The following ERICH3 variants were observed in gnomAD, a reference collection of about 807,000 sequenced individuals.
ERICH3 encodes the protein glutamate-rich protein 3.
ERICH3 carries 126 observed loss-of-function variants against 131.1 expected under a neutral mutation model. That is an observed-to-expected ratio of 0.96 (90% CI 0.83 to 1.11). The LOEUF is 1.11. Ranked by LOEUF, ERICH3 falls within the 50% of genes most tolerant of loss-of-function variation. ERICH3 has a pLI of 0.00. For missense variants in ERICH3, 2,050 were observed against 1,810.7 expected (o/e 1.13, Z -2.40); for synonymous variants, 695 against 644.6 (o/e 1.08, Z -1.18).
rs1351259782 is a variant in ERICH3 at position 74,572,136 on chromosome 1, CTT to C, written c.3572_3573del (p.Lys1191ArgfsTer11). ...RLSEARDTEH[K>X]DREELSSREN... ...TCCCTGCTGGACAGCTCTTCTCTGT[CTT>C]TGTGCTCTGTGTCTCTGGCTTCACT... On this transcript the variant is annotated frameshift_variant, in exon 14 of 15. Transcript: ENST00000326665. LOFTEE classifies it high-confidence loss of function. 1 of 1,614,164 alleles carries C rather than the reference CTT, an allele frequency of 6.2e-7. No individual in the cohort carries two copies. Among genetic ancestry groups the C allele is most frequent in the Non-Finnish European group, 8.5e-7 (1 of 1,180,006 alleles).
At chr1:74,660,595 GTATATA>G (rs35580326) in intron 1 of ERICH3, among the ~76,000 whole-genome samples, 11 of 143,914 alleles carry the variant, frequency 7.6e-5, no homozygotes, top group Admixed American at 1.4e-4. Flanking sequence ...ACACACAAGT[GTATATA>G]TATATATATA....
rs1333127782 is a variant in ERICH3 at position 74,673,702 on chromosome 1, G to C, written c.-183C>G. On this transcript the variant is annotated 5_prime_UTR_variant, in exon 1 of 15. Transcript: ENST00000326665. Reference sequence around the variant, plus strand: ...GCCCGGGCTACCCGCAGCCTCCCGGGCTCCCACCCTCCGTTGGTATCCACA... The same window carrying C: ...GCCCGGGCTACCCGCAGCCTCCCGGCCTCCCACCCTCCGTTGGTATCCACA... The C allele has an allele frequency of 4.2e-6, 2 of 475,552 alleles. No individual in the cohort carries two copies. Among genetic ancestry groups the C allele is most frequent in the East Asian group, 7.5e-5 (2 of 26,762 alleles). The allele number at this position is 475,552 out of a possible 1,614,324, so 29.5% of individuals were successfully genotyped here.
chr1:74,652,936 C>T (rs1174938091), intron 1 of ERICH3, among the ~76,000 whole-genome samples: 2 of 152,134 alleles, frequency 1.3e-5, no homozygotes, highest in Non-Finnish European at 2.9e-5. Flanking sequence ...TCCGAGGAAA[C>T]AGAGCAACCT....
rs1646975498 is a variant in ERICH3 at position 74,572,660 on chromosome 1, C to T, written c.3050G>A (p.Ser1017Asn). 3.7e-6 allele frequency: 6 copies of T among 1,614,030 alleles called. No homozygotes were observed. The highest frequency in any genetic ancestry group is 5.1e-6 in the Non-Finnish European group (6 of 1,180,000). The change falls in exon 14 of 15, where the codon AGC becomes AAC. Residue 1017 changes from serine to asparagine, a missense_variant. Physicochemically the swap from Ser to Asn is conservative, Grantham distance 46. Transcript: ENST00000326665. ...QVSEGSPEEG[S>N]LAKEAFLCKE... ...GCAAAGGAAGGCTTCCTTTGCAAGG[C>T]TTCCTTCCTCAGGGCTGCCCTCCGA...
chr1:74,612,872 C>A, intron 8 of ERICH3, 63 bp from the exon 9 acceptor site: 1 of 1,373,968 alleles, frequency 7.3e-7, no homozygotes, highest in Non-Finnish European at 9.9e-7. Flanking sequence ...TCTGTTAAAT[C>A]ATGTTTTTCT....
At chr1:74,609,709 T>C (rs1012029015) in intron 9 of ERICH3, among the ~76,000 whole-genome samples, 1 of 152,088 alleles carries the variant, frequency 6.6e-6, no homozygotes, top group African/African-American at 2.4e-5. Flanking sequence ...ATTCACAGAT[T>C]TCATTGGAAA....
chr1:74,633,848 T>C (rs904490882), intron 6 of ERICH3, among the ~76,000 whole-genome samples: 4 of 152,074 alleles, frequency 2.6e-5, no homozygotes, highest in African/African-American at 9.6e-5. Context: ...TCACAAATAC[T>C]TGTACTAATT....
At chr1:74,615,493 CAGTT>C (rs1259071082) in intron 8 of ERICH3, among the ~76,000 whole-genome samples, 2 of 152,198 alleles carry the variant, frequency 1.3e-5, no homozygotes, top group South Asian at 2.1e-4. Flanking sequence ...TGTTCACTGA[CAGTT>C]GGTAGCACTG....
intron 13 of ERICH3, among the ~76,000 whole-genome samples, chr1:74,575,755 C>T (rs1413294345): frequency 6.6e-6 from 1 of 152,084 alleles, no homozygotes; most frequent in Non-Finnish European, 1.5e-5. Flanking sequence ...ATTGCCTAGC[C>T]ACCATGTAGT....
chr1:74,627,468 G>A (rs1649456589), intron 7 of ERICH3, among the ~76,000 whole-genome samples: 1 of 151,914 alleles, frequency 6.6e-6, no homozygotes, highest in South Asian at 2.1e-4. Context: ...GTAGAAATAA[G>A]TCTAAATATA....
At position 74,620,901 on chromosome 1, in the gene ERICH3, A is replaced by G. The variant is rs778919505; in HGVS notation, c.833T>C (p.Ile278Thr). Residue 278 changes from isoleucine (I) to threonine (T), a missense_variant, in exon 8 of 15, where the codon ATT becomes ACT. By Grantham distance (89) the Ile-to-Thr change is moderately conservative (BLOSUM62 -1). Coordinates refer to ENST00000326665, the MANE Select transcript of ERICH3 (RefSeq NM_001002912.5). ...EPLLTKDSRRIHKTSLHSNAA... is the reference protein window; with the variant it reads ...EPLLTKDSRRTHKTSLHSNAA... ...ATTACTATGTAAGGATGTTTTATGAATCCTTCTTGAATCCTGAAATAAACA... is the reference window on the plus strand; with the variant it reads ...ATTACTATGTAAGGATGTTTTATGAGTCCTTCTTGAATCCTGAAATAAACA... 20 of 1,593,730 alleles carry G rather than the reference A, an allele frequency of 1.3e-5. No homozygotes were observed. In the Admixed American group the frequency reaches 2.3e-4, roughly 18 times the overall value.
intron 1 of ERICH3, among the ~76,000 whole-genome samples, chr1:74,655,837 C>T (rs1344139440): frequency 6.6e-6 from 1 of 152,084 alleles, no homozygotes; most frequent in Non-Finnish European, 1.5e-5. Flanking sequence ...TTTAATGCTG[C>T]TGTAACAGAA....
chr1:74,659,350 C>T (rs1237058821), intron 1 of ERICH3, among the ~76,000 whole-genome samples: 3 of 149,488 alleles, frequency 2.0e-5, no homozygotes, highest in Non-Finnish European at 4.5e-5. Flanking sequence ...GTGTGTGTGC[C>T]TGTGCACACA....
chr1:74,605,922 A>G (rs1453156748), intron 10 of ERICH3, among the ~76,000 whole-genome samples: 1 of 151,668 alleles, frequency 6.6e-6, no homozygotes, highest in Non-Finnish European at 1.5e-5. Context: ...CTATATTTGC[A>G]AAGCTTGCAC....
At chr1:74,594,097 T>G (rs1238743874) in intron 11 of ERICH3, among the ~76,000 whole-genome samples, 1 of 152,116 alleles carries the variant, frequency 6.6e-6, no homozygotes, top group African/African-American at 2.4e-5. Context: ...AGAGTCCACT[T>G]AAAATATTCT....
At chr1:74,626,048 A>C (rs1649404060) in intron 7 of ERICH3, 1 of 152,198 alleles carries the variant, frequency 6.6e-6, no homozygotes, top group South Asian at 2.1e-4. Context: ...GGTGGAAATG[A>C]TATTTTAGAT....
intron 8 of ERICH3, among the ~76,000 whole-genome samples, chr1:74,616,097 G>T (rs1241529381): frequency 6.6e-6 from 1 of 152,096 alleles, no homozygotes; most frequent in Non-Finnish European, 1.5e-5. Flanking sequence ...TGCCTCCTGG[G>T]TTCAAGCTAT....
chr1:74,600,038 C>G, intron 10 of ERICH3, 107 bp from the exon 11 acceptor site: 1 of 751,768 alleles, frequency 1.3e-6, no homozygotes, highest in Non-Finnish European at 2.1e-6. Context: ...TTCTCTGAGC[C>G]TTTCTTTGCT....
chr1:74,571,671 C>T lies in ERICH3; in HGVS notation c.4039G>A (p.Gly1347Ser), dbSNP rs1432123219. The T allele has an allele frequency of 6.2e-7, 1 of 1,614,182 alleles. No homozygotes were observed. The highest frequency in any genetic ancestry group is 8.5e-7 in the Non-Finnish European group (1 of 1,180,038). ...VVAVEVLHGG[G>S]ETAETAAEER... Reference sequence around the variant, plus strand: ...TCTGCGGCTGTTTCTGCCGTTTCACCACCTCCGTGTAGAACTTCCACAGCC... The same window carrying T: ...TCTGCGGCTGTTTCTGCCGTTTCACTACCTCCGTGTAGAACTTCCACAGCC... The change falls in exon 14 of 15, where the codon GGT becomes AGT. Residue 1347 changes from glycine to serine, a missense_variant. By Grantham distance (56) the Gly-to-Ser change is moderately conservative. Transcript: ENST00000326665.
Sources: allele counts gnomAD v4.1 joint callset (sites outside exome capture counted in the v4.1 genomes callset), GRCh38; gene constraint gnomAD v4.1.1; transcripts MANE v1.5; gene names NCBI Gene and HGNC (gene_info 2026-07-23, HGNC 2026-07-21).